The following CACNA2D1 variants were observed in gnomAD, a reference collection of about 807,000 sequenced individuals.
CACNA2D1 encodes voltage-dependent calcium channel subunit alpha-2/delta-1.
CACNA2D1 carries 53 observed loss-of-function variants against 171.5 expected under a neutral mutation model. The ratio of observed to expected loss-of-function variants is 0.31; its 90% CI spans 0.25 to 0.39. The LOEUF (loss-of-function observed/expected upper bound fraction) is 0.39. Among genes scored for constraint, CACNA2D1 ranks in the 10% least tolerant of loss-of-function variants. The pLI is 1.00. For synonymous variants in CACNA2D1, 442 were observed against 443.1 expected (o/e 1.00, Z 0.03); for missense variants, 903 against 1,299.8 (o/e 0.69, Z 4.69).
intron 16 of CACNA2D1, among the ~76,000 whole-genome samples, chr7:82,007,104 T>A (rs1204869426): frequency 6.6e-6 from 1 of 152,140 alleles, no homozygotes; most frequent in Non-Finnish European, 1.5e-5. Context: ...AACTTTTAAA[T>A]AGGCATTTTA....
intron 3 of CACNA2D1, among the ~76,000 whole-genome samples, chr7:82,267,720 T>C (rs932183202): frequency 1.3e-5 from 2 of 152,224 alleles, no homozygotes; most frequent in East Asian, 1.9e-4. Flanking sequence ...CTCGGCTGGG[T>C]GTGGTGGTTC....
At chr7:82,215,051 C>A (rs1354907917) in intron 3 of CACNA2D1, among the ~76,000 whole-genome samples, 1 of 152,068 alleles carries the variant, frequency 6.6e-6, no homozygotes, top group Non-Finnish European at 1.5e-5. Flanking sequence ...AGAAATTGAC[C>A]CTCCTGGTCT....
At chr7:82,414,216 G>A (rs1460230993) in intron 1 of CACNA2D1, among the ~76,000 whole-genome samples, 1 of 152,294 alleles carries the variant, frequency 6.6e-6, no homozygotes, top group South Asian at 2.1e-4. Flanking sequence ...TGAATAGCCT[G>A]ATATCACATG....
intron 3 of CACNA2D1, among the ~76,000 whole-genome samples, chr7:82,282,389 G>A (rs1465251284): frequency 6.6e-6 from 1 of 152,126 alleles, no homozygotes; most frequent in African/African-American, 2.4e-5. Context: ...GGGAATATCG[G>A]AATTGAAAAT....
chr7:82,259,744 G>A (rs1335657109), intron 3 of CACNA2D1, among the ~76,000 whole-genome samples: 3 of 152,160 alleles, frequency 2.0e-5, no homozygotes, highest in South Asian at 2.1e-4. Context: ...AAACTGCAGT[G>A]GTTAAGAGCT....
At chr7:82,004,861 C>G (rs527385179) in intron 18 of CACNA2D1, among the ~76,000 whole-genome samples, 1 of 152,162 alleles carries the variant, frequency 6.6e-6, no homozygotes, top group East Asian at 1.9e-4. Flanking sequence ...TATGGTTCAT[C>G]GATGGCATTT....
chr7:82,164,939 G>A (rs1795286962), intron 4 of CACNA2D1, among the ~76,000 whole-genome samples: 1 of 151,896 alleles, frequency 6.6e-6, no homozygotes, highest in Non-Finnish European at 1.5e-5. Flanking sequence ...AATGAAATTG[G>A]AGTTCAAAAA....
At chr7:82,424,591 T>A (rs1245110079) in intron 1 of CACNA2D1, among the ~76,000 whole-genome samples, 1 of 152,196 alleles carries the variant, frequency 6.6e-6, no homozygotes, top group African/African-American at 2.4e-5. Flanking sequence ...AGGATCATAA[T>A]CCTTTACATT....
intron 5 of CACNA2D1, among the ~76,000 whole-genome samples, chr7:82,122,543 T>A (rs1789861267): frequency 6.6e-6 from 1 of 152,228 alleles, no homozygotes; most frequent in Admixed American, 6.5e-5. Context: ...AGTTGGAGGC[T>A]GATTTAAATT....
intron 3 of CACNA2D1, among the ~76,000 whole-genome samples, chr7:82,178,084 T>C (rs1049487952): frequency 6.6e-6 from 1 of 152,174 alleles, no homozygotes; most frequent in Non-Finnish European, 1.5e-5. Context: ...GAGTGTAATA[T>C]ATGCAAAACA....
intron 1 of CACNA2D1, among the ~76,000 whole-genome samples, chr7:82,364,163 C>T (rs1303476463): frequency 2.0e-5 from 3 of 152,110 alleles, no homozygotes; most frequent in Admixed American, 2.0e-4. Context: ...GCAGAGGCTG[C>T]AGTGAGCAGA....
At chr7:82,275,381 T>C (rs927683768) in intron 3 of CACNA2D1, among the ~76,000 whole-genome samples, 14 of 152,092 alleles carry the variant, frequency 9.2e-5, no homozygotes, top group Non-Finnish European at 2.9e-5. Flanking sequence ...CCAGCAGTGT[T>C]TGCCCATTAT....
rs779135778 is a variant in CACNA2D1 at position 82,060,497 on chromosome 7, T to G, written c.810A>C (p.Lys270Asn). The G allele has an allele frequency of 8.1e-6, 13 of 1,609,490 alleles. No homozygotes were observed. Among genetic ancestry groups the G allele is most frequent in the Non-Finnish European group, 1.1e-5 (13 of 1,177,766 alleles). ...VSGSVSGLTL[K>N]LIRTSVSEML... ...TTTCGGAGACAGATGTTCGGATCAG[T>G]TTAAGTGTCAATCCACTAACACTTC... Residue 270 changes from lysine to asparagine, a missense_variant, in exon 10 of 39, where the codon AAA (lysine) becomes AAC (asparagine). This residue lies in a region of CACNA2D1 where 12 missense variants were observed against 50.7 expected (regional missense o/e 0.24). Transcript: ENST00000356860.
At chr7:82,402,528 T>C (rs1392577174) in intron 1 of CACNA2D1, among the ~76,000 whole-genome samples, 3 of 151,602 alleles carry the variant, frequency 2.0e-5, no homozygotes, top group Non-Finnish European at 2.9e-5. Flanking sequence ...CTGGCTAACA[T>C]GGTGAAACCC....
chr7:82,210,816 T>C (rs980696413), intron 3 of CACNA2D1, among the ~76,000 whole-genome samples: 2 of 152,238 alleles, frequency 1.3e-5, no homozygotes, highest in African/African-American at 2.4e-5. Context: ...TTTCCCTTTT[T>C]TCTATTAAAT....
At chr7:81,966,142 A>T (rs549988387) in intron 31 of CACNA2D1, among the ~76,000 whole-genome samples, 17 of 151,902 alleles carry the variant, frequency 1.1e-4, no homozygotes, top group African/African-American at 3.9e-4. Context: ...TAGATTAAAA[A>T]TATGTAGTTG....
intron 3 of CACNA2D1, among the ~76,000 whole-genome samples, chr7:82,245,807 T>C (rs1804852656): frequency 6.6e-6 from 1 of 152,130 alleles, no homozygotes. Flanking sequence ...TGGTTTCTTA[T>C]AAAAGTCATG....
At chr7:82,198,889 G>A (rs1318366020) in intron 3 of CACNA2D1, among the ~76,000 whole-genome samples, 2 of 152,048 alleles carry the variant, frequency 1.3e-5, no homozygotes, top group East Asian at 1.9e-4. Flanking sequence ...ACACCCCATC[G>A]TTAAGACATT....
intron 10 of CACNA2D1, among the ~76,000 whole-genome samples, chr7:82,057,236 T>C (rs567386102): frequency 1.3e-5 from 2 of 152,176 alleles, no homozygotes; most frequent in African/African-American, 2.4e-5. Flanking sequence ...ATCATGAAAA[T>C]TGGCAAATGC....
Sources: allele counts gnomAD v4.1 joint callset (sites outside exome capture counted in the v4.1 genomes callset), GRCh38; gene constraint gnomAD v4.1.1; regional missense constraint gnomAD v4.1.1; transcripts MANE v1.5; gene names NCBI Gene and HGNC (gene_info 2026-07-23, HGNC 2026-07-21).